Variants in TRIM44 observed in about 807,000 individuals in gnomAD.
TRIM44 encodes tripartite motif-containing protein 44.
Under a neutral mutation model 37.4 loss-of-function variants are expected in TRIM44, and 13 were observed. The observed-to-expected ratio is 0.35, with a 90% CI of 0.23 to 0.55. The LOEUF is 0.55. Among genes scored for constraint, TRIM44 ranks in the 20% least tolerant of loss-of-function variants. The pLI is 0.89. For missense variants in TRIM44, 426 were observed against 437.2 expected (o/e 0.97, Z 0.23); for synonymous variants, 175 against 157.2 (o/e 1.11, Z -0.85).
intron 1 of TRIM44, among the ~76,000 whole-genome samples, chr11:35,681,337 T>C (rs1316181252): frequency 6.6e-6 from 1 of 152,218 alleles, no homozygotes; most frequent in Non-Finnish European, 1.5e-5. Context: ...CCTTCACATG[T>C]ACAGCATTTT....
intron 4 of TRIM44, among the ~76,000 whole-genome samples, chr11:35,736,816 C>A (rs1852331284): frequency 6.6e-6 from 1 of 152,190 alleles, no homozygotes. Flanking sequence ...GGAACAGGCT[C>A]CTTCTTTGTT....
chr11:35,735,172 C>A (rs1045814126), intron 3 of TRIM44, among the ~76,000 whole-genome samples: 1 of 152,182 alleles, frequency 6.6e-6, no homozygotes, highest in Non-Finnish European at 1.5e-5. Flanking sequence ...ATTATTTAGG[C>A]CTCCTAGGTC....
In TRIM44 at chr11:35,742,432, ATAT is replaced by A. The variant is rs1054190033; in HGVS notation, c.1007+6991_1007+6993del. Among the ~76,000 whole-genome samples the A allele has an allele frequency of 2.2e-4, 30 of 139,174 alleles. 1 individual carries two copies. In the East Asian group the frequency reaches 2.4e-3, roughly 11 times the overall value. 91.3% of individuals were successfully genotyped at this position (139,174 alleles called of 152,430 possible). A position where few individuals can be genotyped will look rare whatever the true frequency, so the allele number is the denominator to read the frequency against. ...CCTAATAATTAATGTTAATATATTA[ATAT>A]TATATTAAATATAATTATATTAATT... On this transcript the variant is annotated intron_variant, in intron 4 of 4. Transcript: ENST00000299413.
At position 35,662,832 on chromosome 11, in the gene TRIM44, G is replaced by A. The variant is rs911446892; in HGVS notation, c.-280G>A. ...AGGCTGAGCGGGCGGCGCGACGCGG[G>A]GGCCGACGGGGGCGCCGGGTGGCCG... On this transcript the variant is annotated 5_prime_UTR_variant, in exon 1 of 5. Coordinates refer to ENST00000299413, the MANE Select transcript of TRIM44 (RefSeq NM_017583.6). 6.4e-6 allele frequency: 2 copies of A among 311,068 alleles called. No individual in the cohort carries two copies. The highest frequency in any genetic ancestry group is 1.1e-5 in the Non-Finnish European group (2 of 179,150). 19.3% of individuals were successfully genotyped at this position (311,068 alleles called of 1,614,324 possible).
intron 4 of TRIM44, among the ~76,000 whole-genome samples, chr11:35,792,536 C>A (rs929704993): frequency 9.9e-5 from 15 of 152,190 alleles, no homozygotes; most frequent in Admixed American, 5.9e-4. Context: ...TGCTTTCCTG[C>A]TGGATGTAGT....
chr11:35,676,023 A>G (rs1447687675), intron 1 of TRIM44, among the ~76,000 whole-genome samples: 2 of 152,162 alleles, frequency 1.3e-5, no homozygotes, highest in South Asian at 2.1e-4. Context: ...TTGAAGGACC[A>G]AACAGTCTTT....
chr11:35,766,424 G>T (rs1189569137), intron 4 of TRIM44, among the ~76,000 whole-genome samples: 1 of 152,166 alleles, frequency 6.6e-6, no homozygotes, highest in Non-Finnish European at 1.5e-5. Context: ...AGGCAGAATT[G>T]AATGATACTC....
In TRIM44 at chr11:35,764,197, G is replaced by A. The variant is rs1024644199; in HGVS notation, c.1007+28752G>A. 7.6e-4 allele frequency among the ~76,000 whole-genome samples: 116 copies of A among 152,166 alleles called. 2 individuals carry two copies. The highest frequency in any genetic ancestry group is 7.5e-3 in the Admixed American group (115 of 15,268). ...ATTTGGTCCCTCTTTGTTGTACAGA[G>A]TTAATGTGTTAACAACTCCTGCTCC... On this transcript the variant is annotated intron_variant, in intron 4 of 4. Transcript: ENST00000299413.
intron 2 of TRIM44, among the ~76,000 whole-genome samples, chr11:35,688,593 A>C (rs910565245): frequency 6.6e-6 from 1 of 152,176 alleles, no homozygotes; most frequent in South Asian, 2.1e-4. Context: ...AATATCTTAG[A>C]TATTCTTCTG....
At position 35,807,281 on chromosome 11, in the gene TRIM44, C is replaced by G. The variant is rs1262077860; in HGVS notation, c.*896C>G. On this transcript the variant is annotated 3_prime_UTR_variant, in exon 5 of 5. Coordinates refer to ENST00000299413, the MANE Select transcript of TRIM44 (RefSeq NM_017583.6). ...CATTGTAGGTTTTTGCTAGTCCCAC[C>G]CCCATTTTAGCCTAATTTGGCTTAA... 2.0e-5 allele frequency: 3 copies of G among 152,128 alleles called. No individual in the cohort carries two copies. Among genetic ancestry groups the G allele is most frequent in the African/African-American group, 7.2e-5 (3 of 41,422 alleles). 9.4% of individuals were successfully genotyped at this position (152,128 alleles called of 1,614,324 possible).
intron 1 of TRIM44, among the ~76,000 whole-genome samples, chr11:35,674,809 A>G (rs1167577409): frequency 1.3e-5 from 2 of 152,242 alleles, no homozygotes; most frequent in African/African-American, 4.8e-5. Context: ...ATCTTTTCAC[A>G]TGCTTATTTG....
chr11:35,788,983 C>T (rs544888118), intron 4 of TRIM44, among the ~76,000 whole-genome samples: 58 of 152,200 alleles, frequency 3.8e-4, no homozygotes, highest in African/African-American at 1.3e-3. Flanking sequence ...AGCCTGAGGC[C>T]CTAAAAATAG....
intron 2 of TRIM44, among the ~76,000 whole-genome samples, chr11:35,713,816 G>T (rs2135509424): frequency 6.6e-6 from 1 of 152,258 alleles, no homozygotes; most frequent in Admixed American, 6.5e-5. Context: ...TTGTGAGATT[G>T]AGGAGCCAAC....
At chr11:35,678,608 G>A (rs1189843389) in intron 1 of TRIM44, among the ~76,000 whole-genome samples, 15 of 137,494 alleles carry the variant, frequency 1.1e-4, no homozygotes, top group South Asian at 5.3e-4. Context: ...CCCTCTCCCC[G>A]CTCCCTCCCC....
chr11:35,771,672 C>T (rs1399094834), intron 4 of TRIM44, among the ~76,000 whole-genome samples: 3 of 151,266 alleles, frequency 2.0e-5, no homozygotes, highest in African/African-American at 7.3e-5. Context: ...TTGCAGTGAG[C>T]CAAGATCATG....
At chr11:35,679,185 T>TA (rs1279966604) in intron 1 of TRIM44, among the ~76,000 whole-genome samples, 1 of 152,200 alleles carries the variant, frequency 6.6e-6, no homozygotes, top group South Asian at 2.1e-4. Flanking sequence ...GACACGTGAC[T>TA]TTTCTTTTGG....
rs918060256 is a variant in TRIM44, at chr11:35,663,416, A to C, written c.305A>C (p.Glu102Ala). The C allele has an allele frequency of 1.1e-5, 17 of 1,576,974 alleles. No homozygotes were observed. The highest frequency in any genetic ancestry group is 1.7e-4 in the Middle Eastern group (1 of 6,032). ...ESEAGEESES[E>A]EESESEEESE... ...GAGGCAGGGGAAGAGAGTGAGTCGG[A>C]GGAAGAGAGCGAGTCAGAGGAAGAG... The change falls in exon 1 of 5, where the codon GAG (glutamate) becomes GCG (alanine). Residue 102 changes from glutamate to alanine, a missense_variant. By Grantham distance (107) the Glu-to-Ala change is moderately radical. Around this residue, in one of 2 missense-constraint regions of TRIM44, gnomAD observed 331 missense variants for 303.0 expected, o/e 1.09. Coordinates refer to ENST00000299413, the MANE Select transcript of TRIM44 (RefSeq NM_017583.6).
intron 4 of TRIM44, among the ~76,000 whole-genome samples, chr11:35,775,087 C>A (rs913643701): frequency 6.6e-6 from 1 of 152,176 alleles, no homozygotes; most frequent in African/African-American, 2.4e-5. Context: ...GATATTGATT[C>A]TTCCTATGCA....
At chr11:35,741,388 A>G (rs1852395047) in intron 4 of TRIM44, among the ~76,000 whole-genome samples, 1 of 152,120 alleles carries the variant, frequency 6.6e-6, no homozygotes, top group African/African-American at 2.4e-5. Context: ...TGATTCAGAA[A>G]TTTGCCCGTA....
Sources: gnomAD v4.1 joint callset for allele counts (sites outside exome capture counted in the v4.1 genomes callset) on GRCh38, gnomAD v4.1.1 for gene constraint, gnomAD v4.1.1 regional missense constraint, MANE v1.5 for transcripts, NCBI Gene and HGNC (gene_info 2026-07-23, HGNC 2026-07-21) for gene names.